The following PCBD2 variants were observed in gnomAD, a reference collection of about 807,000 sequenced individuals.
PCBD2 encodes pterin-4-alpha-carbinolamine dehydratase 2.
In PCBD2, 12 loss-of-function variants were observed where a neutral mutation model predicts 16.4. The observed-to-expected ratio is 0.73, with a 90% CI of 0.47 to 1.19. The LOEUF is 1.19. Among genes scored for constraint, PCBD2 ranks in the 50% most tolerant of loss-of-function variants. The pLI is 0.00. For synonymous variants in PCBD2, 58 were observed against 61.8 expected, an observed-to-expected ratio of 0.94 and a Z score of 0.29; for missense variants, 138 against 156.8, an observed-to-expected ratio of 0.88 and a Z score of 0.64.
chr5:134,954,125 T>TTTTTAAAA (rs1751389711), intron 2 of PCBD2, among the ~76,000 whole-genome samples: 2 of 152,086 alleles, frequency 1.3e-5, no homozygotes, highest in African/African-American at 4.8e-5. Context: ...GCCCAGCTAA[T>TTTTTAAAA]TTTTAAAATT....
intron 2 of PCBD2, among the ~76,000 whole-genome samples, chr5:134,957,709 A>C (rs1275807450): frequency 6.6e-6 from 1 of 152,226 alleles, no homozygotes; most frequent in East Asian, 1.9e-4. Context: ...AATAAAAAAC[A>C]GGCTTTTGTC....
chr5:134,924,207 G>A lies in PCBD2; in HGVS notation c.216+13741G>A, dbSNP rs532613415. 1.2e-3 allele frequency: 475 copies of A among 395,976 alleles called. 4 individuals carry two copies. The East Asian group carries it at 0.015, about 13-fold the overall frequency. 24.5% of individuals were successfully genotyped at this position (395,976 alleles called of 1,614,324 possible). On this transcript the variant is annotated intron_variant, in intron 2 of 3. Transcript: ENST00000254908. ...TTCTAAGCCTTCTCCTATTTATGGG[G>A]GTTTAGTATTGATTGTTAGTGGTGT... is the stretch of plus-strand genomic sequence containing the variant.
chr5:134,912,278 A>G (rs1750778632), intron 2 of PCBD2, among the ~76,000 whole-genome samples: 1 of 152,200 alleles, frequency 6.6e-6, no homozygotes, highest in Non-Finnish European at 1.5e-5. Context: ...CAGTTTTCCC[A>G]CTAGGCTCCT....
intron 2 of PCBD2, among the ~76,000 whole-genome samples, chr5:134,913,543 G>C (rs1353042460): frequency 1.3e-5 from 2 of 152,208 alleles, no homozygotes; most frequent in Admixed American, 1.3e-4. Context: ...GGGCCTTCTT[G>C]GCGTGGTGAG....
intron 2 of PCBD2, chr5:134,927,925 G>A: frequency 2.5e-6 from 1 of 396,924 alleles, no homozygotes; most frequent in Non-Finnish European, 4.4e-6. Flanking sequence ...AATAGTAGGG[G>A]GATGGTGCTA....
At chr5:134,946,192 A>C (rs1483892680) in intron 2 of PCBD2, among the ~76,000 whole-genome samples, 23 of 151,866 alleles carry the variant, frequency 1.5e-4, no homozygotes. Context: ...GGTAGGCTTA[A>C]GGAGAGAAAA....
intron 2 of PCBD2, chr5:134,927,657 A>G (rs1751030070): frequency 7.5e-6 from 3 of 397,952 alleles, no homozygotes; most frequent in Admixed American, 4.4e-5. Context: ...CAGGGTGGGG[A>G]TAAGTGTGGT....
chr5:134,946,174 A>G (rs1249759598), intron 2 of PCBD2, among the ~76,000 whole-genome samples: 2 of 151,734 alleles, frequency 1.3e-5, no homozygotes, highest in African/African-American at 4.8e-5. Context: ...GCCTACCCTT[A>G]TAGGTTGGGT....
chr5:134,929,729 T>C (rs1399779268), intron 2 of PCBD2, among the ~76,000 whole-genome samples: 1 of 152,222 alleles, frequency 6.6e-6, no homozygotes, highest in African/African-American at 2.4e-5. Flanking sequence ...TCTTCCTCTG[T>C]CATCTAGCCT....
chr5:134,949,513 GAA>G (rs1561914580), intron 2 of PCBD2, among the ~76,000 whole-genome samples: 1 of 152,146 alleles, frequency 6.6e-6, no homozygotes, highest in Non-Finnish European at 1.5e-5. Flanking sequence ...TATAGCTAGT[GAA>G]TAGCAGAGCT....
At chr5:134,955,388 A>G (rs1399466443) in intron 2 of PCBD2, among the ~76,000 whole-genome samples, 2 of 150,544 alleles carry the variant, frequency 1.3e-5, no homozygotes, top group Non-Finnish European at 3.0e-5. Context: ...GCTCACTGCA[A>G]CCTCTGCCTC....
intron 2 of PCBD2, among the ~76,000 whole-genome samples, chr5:134,932,446 A>G (rs1032222757): frequency 2.0e-5 from 3 of 152,096 alleles, no homozygotes; most frequent in East Asian, 1.9e-4. Flanking sequence ...GGTTCAAGCA[A>G]TTCTCCTGCT....
intron 1 of PCBD2, among the ~76,000 whole-genome samples, chr5:134,908,587 C>A (rs1197528389): frequency 4.0e-5 from 6 of 150,766 alleles, no homozygotes; most frequent in Admixed American, 3.3e-4. Context: ...GTCGCTTGAA[C>A]CTGGGAGGCA....
chr5:134,910,051 C>G lies in PCBD2; in HGVS notation c.85-284C>G, dbSNP rs564986745. ...CACCACTACGCTCCAGCCTGGGCGA[C>G]AGAGCGAGACCCTGTCTCGAAACAA... On this transcript the variant is annotated intron_variant, in intron 1 of 3. Transcript: ENST00000254908. 2.0e-5 allele frequency among the ~76,000 whole-genome samples: 3 copies of G among 152,334 alleles called. No individual in the cohort carries two copies. In the South Asian group the frequency reaches 6.2e-4, roughly 32 times the overall value.
At chr5:134,920,490 G>A (rs913764561) in intron 2 of PCBD2, among the ~76,000 whole-genome samples, 6 of 152,304 alleles carry the variant, frequency 3.9e-5, no homozygotes, top group Non-Finnish European at 8.8e-5. Context: ...GGGAATATTC[G>A]CCAGCTGAAA....
chr5:134,921,540 G>C (rs1750903398), intron 2 of PCBD2, among the ~76,000 whole-genome samples: 1 of 152,006 alleles, frequency 6.6e-6, no homozygotes, highest in Admixed American at 6.6e-5. Context: ...CAGTGAGCTG[G>C]GCCACAGAGT....
intron 2 of PCBD2, chr5:134,925,461 G>A (rs1429636325): frequency 1.8e-5 from 7 of 398,410 alleles, no homozygotes; most frequent in Admixed American, 4.4e-5. Context: ...CTTTGAAGAA[G>A]GCGTGGGTAC....
intron 2 of PCBD2, chr5:134,924,052 G>A (rs1304302373): frequency 7.3e-5 from 29 of 396,404 alleles, no homozygotes; most frequent in Non-Finnish European, 4.9e-5. Context: ...GGGGTCATTA[G>A]TGTTCTTGTA....
At chr5:134,906,065 G>C (rs1195676550) in intron 1 of PCBD2, among the ~76,000 whole-genome samples, 3 of 151,664 alleles carry the variant, frequency 2.0e-5, no homozygotes, top group African/African-American at 7.3e-5. Context: ...GTAGAGAGGG[G>C]TTTTCGCCAT....
Sources: gnomAD v4.1 joint callset for allele counts (sites outside exome capture counted in the v4.1 genomes callset) on GRCh38, gnomAD v4.1.1 for gene constraint, MANE v1.5 for transcripts, NCBI Gene and HGNC (gene_info 2026-07-23, HGNC 2026-07-21) for gene names.